Variants in BTF3 observed in about 807,000 individuals in gnomAD.
BTF3 encodes the protein basic transcription factor 3.
A neutral mutation model predicts 23.9 loss-of-function variants in BTF3; 12 were observed. The ratio of observed to expected loss-of-function variants is 0.50; its 90% confidence interval spans 0.32 to 0.81. BTF3 has a LOEUF of 0.81. Among genes scored for constraint, BTF3 ranks in the 40% least tolerant of loss-of-function variants. The probability of loss-of-function intolerance (pLI) is 0.03; values close to 1 mark genes in which losing one functional copy is unlikely to be tolerated. For missense variants in BTF3, 215 were observed against 255.9 expected, an observed-to-expected ratio of 0.84 and a Z score of 1.09; for synonymous variants, 96 against 94.8, an observed-to-expected ratio of 1.01 and a Z score of -0.07.
intron 5 of BTF3, chr5:73,504,665 C>T (rs1051558023): frequency 3.9e-6 from 1 of 255,742 alleles, no homozygotes; most frequent in Admixed American, 5.2e-5. Flanking sequence ...ATATAGTACC[C>T]TAAATATAAC....
chr5:73,504,488 AG>A, intron 5 of BTF3, 85 bp downstream of exon 5: 1 of 1,054,138 alleles, frequency 9.5e-7, no homozygotes, highest in Non-Finnish European at 1.4e-6. Context: ...CCCAGGGAAG[AG>A]GGGTGGTAAG....
chr5:73,499,363 TG>T, intron 2 of BTF3, 161 bp downstream of exon 2: 1 of 764,934 alleles, frequency 1.3e-6, no homozygotes, highest in Non-Finnish European at 2.3e-6. Context: ...AGACGAGGGT[TG>T]GAGACACATC....
At chr5:73,501,069 G>A (rs1265568859) in intron 2 of BTF3, among the ~76,000 whole-genome samples, 2 of 152,014 alleles carry the variant, frequency 1.3e-5, no homozygotes, top group Non-Finnish European at 2.9e-5. Context: ...CCTAGCAGTG[G>A]CGATAATTGT....
Position 73,505,182 on chromosome 5 carries a change from C to G in BTF3, c.575-10C>G, listed in dbSNP as rs1250330453. 5.0e-6 allele frequency: 8 copies of G among 1,606,560 alleles called. No homozygotes were observed. Among genetic ancestry groups the G allele is most frequent in the Non-Finnish European group, 6.8e-6 (8 of 1,177,920 alleles). On this transcript the variant is annotated splice_polypyrimidine_tract_variant and intron_variant, in intron 5 of 5. Coordinates refer to ENST00000380591, the MANE Select transcript of BTF3 (RefSeq NM_001037637.2). ...TTTTTTAAGAATTTCTACTCTTTTC[C>G]TTTTCCTAGATCTTGTGGAGAATTT...
rs762160587 is a variant in BTF3 at position 73,499,334 on chromosome 5, A to G, written c.201+132A>G. 1.2e-5 allele frequency: 12 copies of G among 977,530 alleles called. No individual in the cohort carries two copies. In the Admixed American group the frequency reaches 2.0e-4, roughly 16 times the overall value. The allele number at this position is 977,530 out of a possible 1,614,324, so 60.6% of individuals were successfully genotyped here. On this transcript the variant is annotated intron_variant, in intron 2 of 5. Transcript: ENST00000380591. ...ATCGAGGGAAATTCACGGAGCTAGC[A>G]AATCTCGAGGAGCGGGGGAGACGAG...
chr5:73,498,839 C>A (rs774205468), intron 1 of BTF3, 40 bp downstream of exon 1: 2 of 1,499,646 alleles, frequency 1.3e-6, no homozygotes, highest in Admixed American at 2.6e-5. Flanking sequence ...GCCGGGCAGG[C>A]CCTGGCTAGG....
In BTF3 at chr5:73,498,701, T is replaced by C. The variant is rs1424744274; in HGVS notation, c.34T>C (p.Ser12Pro). The change falls in exon 1 of 6, where the codon TCT (serine) becomes CCT (proline). Residue 12 changes from serine (S) to proline (P), a missense_variant. This residue lies in a region of BTF3 where 116 missense variants were observed against 84.7 expected (regional missense o/e 1.37). Coordinates refer to ENST00000380591, the MANE Select transcript of BTF3 (RefSeq NM_001037637.2). ...GACAGGCGCACCCGCTCAGGCTGAC[T>C]CTCGGGGGCGAGGTCGAGCCAGGGG... ...RRTGAPAQAD[S>P]RGRGRARGGC... is the part of the protein sequence containing the mutation. The C allele has an allele frequency of 6.7e-7, 1 of 1,496,214 alleles. No individual in the cohort carries two copies. The allele number at this position is 1,496,214 out of a possible 1,614,324, so 92.7% of individuals were successfully genotyped here. A position where few individuals can be genotyped will look rare whatever the true frequency, so the allele number is the denominator to read the frequency against.
At chr5:73,505,056 T>G in intron 5 of BTF3, 136 bp from the exon 6 acceptor site, 1 of 607,486 alleles carries the variant, frequency 1.6e-6, no homozygotes, top group Non-Finnish European at 2.7e-6. Context: ...TTTTTTTGCA[T>G]TCTTGTTCTT....
chr5:73,502,886 T>C (rs763094367), intron 3 of BTF3, 30 bp from the exon 4 acceptor site: 2 of 1,597,344 alleles, frequency 1.3e-6, no homozygotes, highest in East Asian at 4.5e-5. Context: ...TGGTCAGCAT[T>C]GCTAATTTAA....
chr5:73,505,478 A>G lies in BTF3; in HGVS notation c.*240A>G, dbSNP rs978513342. 1.4e-5 allele frequency: 6 copies of G among 414,914 alleles called. No homozygotes were observed. Among genetic ancestry groups the G allele is most frequent in the African/African-American group, 1.2e-4 (6 of 48,072 alleles). 25.7% of individuals were successfully genotyped at this position (414,914 alleles called of 1,614,324 possible). A position where few individuals can be genotyped will look rare whatever the true frequency, so the allele number is the denominator to read the frequency against. On this transcript the variant is annotated 3_prime_UTR_variant, in exon 6 of 6. Transcript: ENST00000380591. ...AATCAAGTTTGAAACAAAGATTAAT[A>G]AAGTTCTTTGCCTAGTATACAGTTT...
At chr5:73,504,213 A>T (rs1746502252) in intron 4 of BTF3, 134 bp from the exon 5 acceptor site, 1 of 624,166 alleles carries the variant, frequency 1.6e-6, no homozygotes, top group South Asian at 2.4e-5. Flanking sequence ...ATAAAATCCC[A>T]AATGTCCCTT....
Position 73,498,773 on chromosome 5 carries a change from G to A in BTF3, c.106G>A (p.Gly36Ser). ...GACGCTGTCTCAACCTCCACCTCGCGGCGGAACCCGAGGACAGGAGCCTCA... is the reference window on the plus strand; with the variant it reads ...GACGCTGTCTCAACCTCCACCTCGCAGCGGAACCCGAGGACAGGAGCCTCA... ...EATLSQPPPR[G>S]GTRGQEPQMK... Residue 36 changes from glycine (G) to serine (S), a missense_variant, in exon 1 of 6, where the codon GGC (glycine) becomes AGC (serine). Gly to Ser is a moderately conservative substitution (Grantham distance 56, BLOSUM62 0). Coordinates refer to ENST00000380591, the MANE Select transcript of BTF3 (RefSeq NM_001037637.2). 6.6e-7 allele frequency: 1 copy of A among 1,505,414 alleles called. No homozygotes were observed. The allele number at this position is 1,505,414 out of a possible 1,614,324, so 93.3% of individuals were successfully genotyped here. A position where few individuals can be genotyped will look rare whatever the true frequency, so the allele number is the denominator to read the frequency against.
intron 2 of BTF3, among the ~76,000 whole-genome samples, chr5:73,501,374 G>A (rs1002387604): frequency 6.6e-6 from 1 of 152,146 alleles, no homozygotes; most frequent in Non-Finnish European, 1.5e-5. Flanking sequence ...AAGTCCTTAT[G>A]GAGCTTACAT....
At chr5:73,499,370 A>G in intron 2 of BTF3, 168 bp downstream of exon 2, 1 of 745,358 alleles carries the variant, frequency 1.3e-6, no homozygotes, top group Non-Finnish European at 2.4e-6. Flanking sequence ...GGTTGGAGAC[A>G]CATCAGTGAG....
intron 2 of BTF3, chr5:73,499,404 T>C (rs1050526953): frequency 1.5e-6 from 1 of 679,280 alleles, no homozygotes; most frequent in Admixed American, 2.1e-5. Flanking sequence ...ATCGCCTTTG[T>C]GTAAACATGT....
At chr5:73,503,435 A>C (rs1746485265) in intron 4 of BTF3, among the ~76,000 whole-genome samples, 1 of 152,228 alleles carries the variant, frequency 6.6e-6, no homozygotes, top group Non-Finnish European at 1.5e-5. Context: ...GAATTGAAAA[A>C]AAAATTAGTG....
At chr5:73,499,452 A>G (rs1746381639) in intron 2 of BTF3, 1 of 567,526 alleles carries the variant, frequency 1.8e-6, no homozygotes, top group Non-Finnish European at 3.2e-6. Flanking sequence ...GTAGAACACA[A>G]AAGTGTTTCC....
At chr5:73,498,887 C>T in intron 1 of BTF3, 88 bp downstream of exon 1, 2 of 1,475,124 alleles carry the variant, frequency 1.4e-6, no homozygotes, top group Non-Finnish European at 1.8e-6. Flanking sequence ...GGGGTGCTGG[C>T]CAGGCGTGGG....
chr5:73,500,163 T>G (rs1046834933), intron 2 of BTF3, among the ~76,000 whole-genome samples: 12 of 152,194 alleles, frequency 7.9e-5, no homozygotes, highest in African/African-American at 2.9e-4. Context: ...CTGATTTTTT[T>G]TTACTTTTTA....
Sources: gnomAD v4.1 joint callset for allele counts (sites outside exome capture counted in the v4.1 genomes callset) on GRCh38, gnomAD v4.1.1 for gene constraint, gnomAD v4.1.1 regional missense constraint, MANE v1.5 for transcripts, NCBI Gene and HGNC (gene_info 2026-07-23, HGNC 2026-07-21) for gene names.